The following XPNPEP2 variants were observed in gnomAD, a reference collection of about 807,000 sequenced individuals.
XPNPEP2 encodes the protein X-prolyl aminopeptidase 2.
Under a neutral mutation model 59.8 loss-of-function variants are expected in XPNPEP2, and 64 were observed. That is an observed-to-expected ratio of 1.07 (90% CI 0.87 to 1.32). XPNPEP2 has a LOEUF of 1.32. XPNPEP2 is among the 40% of genes most tolerant of loss of function. The probability of loss-of-function intolerance (pLI) is 0.00; values close to 1 mark genes in which losing one functional copy is unlikely to be tolerated. For synonymous variants in XPNPEP2, 235 were observed against 210.0 expected (o/e 1.12, Z -1.03); for missense variants, 575 against 546.8 (o/e 1.05, Z -0.51).
intron 19 of XPNPEP2, among the ~76,000 whole-genome samples, chrX:129,765,917 G>A (rs1004816969): frequency 8.9e-6 from 1 of 111,867 alleles, no homozygotes; most frequent in African/African-American, 3.2e-5. Context: ...GATTACAGGC[G>A]TGAGCCACCA....
chrX:129,750,887 A>G (rs1001629394), intron 8 of XPNPEP2, among the ~76,000 whole-genome samples: 8 of 111,779 alleles, frequency 7.2e-5, no homozygotes, highest in Non-Finnish European at 1.5e-4. Context: ...CCAACAACTT[A>G]GCCACTACCC....
intron 12 of XPNPEP2, 92 bp from the exon 13 acceptor site, chrX:129,755,202 G>C: frequency 1.1e-6 from 1 of 898,300 alleles, no homozygotes; most frequent in South Asian, 2.1e-5. Context: ...GGTAGAGGCA[G>C]CCATGACCTT....
chrX:129,768,972 T>A lies in XPNPEP2; in HGVS notation c.*487T>A, dbSNP rs1417250941. The A allele has an allele frequency of 8.9e-6, 1 of 112,805 alleles. No homozygotes were observed. Among genetic ancestry groups the A allele is most frequent in the Non-Finnish European group, 1.9e-5 (1 of 53,911 alleles). 9.3% of individuals were successfully genotyped at this position (112,805 alleles called of 1,213,427 possible). A position where few individuals can be genotyped will look rare whatever the true frequency, so the allele number is the denominator to read the frequency against. Reference sequence around the variant, plus strand: ...GGGCATGAAACATCAACCCCCCACATGTGAACCCATCATTCCTAAACCCTG... The same window carrying A: ...GGGCATGAAACATCAACCCCCCACAAGTGAACCCATCATTCCTAAACCCTG... On this transcript the variant is annotated 3_prime_UTR_variant, in exon 21 of 21. Coordinates refer to ENST00000371106, the MANE Select transcript of XPNPEP2 (RefSeq NM_003399.6).
At chrX:129,746,779 G>T in intron 6 of XPNPEP2, 98 bp downstream of exon 6, 1 of 767,665 alleles carries the variant, frequency 1.3e-6, no homozygotes, top group Non-Finnish European at 2.0e-6. Context: ...AAGGAGGGGC[G>T]GTGGGACTAT....
chrX:129,764,586 C>T (rs770734718), intron 19 of XPNPEP2, among the ~76,000 whole-genome samples: 297 of 105,444 alleles, frequency 2.8e-3, no homozygotes, highest in Middle Eastern at 9.8e-3. Context: ...ACCTGGGAGG[C>T]GGAGGTTGCG....
chrX:129,754,766 G>A (rs1352757994), intron 12 of XPNPEP2, among the ~76,000 whole-genome samples, 185 bp downstream of exon 12: 3 of 110,757 alleles, frequency 2.7e-5, no homozygotes, highest in Non-Finnish European at 5.7e-5. Flanking sequence ...TGAGCAGGGG[G>A]CGTTGGATGA....
chrX:129,747,958 G>A (rs892510377), intron 7 of XPNPEP2: 21 of 502,640 alleles, frequency 4.2e-5, no homozygotes, highest in Non-Finnish European at 6.1e-5. Flanking sequence ...AATGTCCTCC[G>A]GCCATATTTA....
chrX:129,765,635 C>CTTTTTTTTTTTTTTT (rs56014067), intron 19 of XPNPEP2, among the ~76,000 whole-genome samples: 4 of 67,340 alleles, frequency 5.9e-5, no homozygotes, highest in African/African-American at 2.4e-4. Flanking sequence ...TTCTTTCTTT[C>CTTTTTTTTTTTTTTT]TTTTTTTTTT....
At chrX:129,756,596 C>T (rs1926522764) in intron 14 of XPNPEP2, 41 bp downstream of exon 14, 1 of 1,165,034 alleles carries the variant, frequency 8.6e-7, no homozygotes, top group African/African-American at 1.8e-5. Flanking sequence ...TGTCTCTGCT[C>T]AGACCTCCTG....
At chrX:129,742,940 C>A (rs990230609) in intron 2 of XPNPEP2, among the ~76,000 whole-genome samples, 3 of 111,448 alleles carry the variant, frequency 2.7e-5, no homozygotes, top group Non-Finnish European at 5.7e-5. Flanking sequence ...AAAGAAGAGC[C>A]AACGGAAGGG....
rs765504783 is a variant in XPNPEP2 at position 129,762,734 on chromosome X, C to A, written c.1704C>A (p.Leu568=). The change falls in exon 19 of 21, where the codon CTC becomes CTA. Residue 568 remains leucine (L), a synonymous_variant. Coordinates refer to ENST00000371106, the MANE Select transcript of XPNPEP2 (RefSeq NM_003399.6). ...YYKDGEFGIR[L]EDVALVVEAK... ...AGGATGGAGAATTTGGGATCCGTCT[C>A]GAAGATGTGGCTCTCGTGGTAGAAG... 4 of 1,211,780 alleles carry A rather than the reference C, an allele frequency of 3.3e-6. No individual in the cohort carries two copies. The highest frequency in any genetic ancestry group is 4.5e-6 in the Non-Finnish European group (4 of 895,496).
chrX:129,741,887 A>C (rs181230037), intron 1 of XPNPEP2, among the ~76,000 whole-genome samples: 7 of 112,612 alleles, frequency 6.2e-5, no homozygotes, highest in African/African-American at 2.3e-4. Context: ...AGTGGCAATC[A>C]CTTGTCTATG....
intron 14 of XPNPEP2, 22 bp from the exon 15 acceptor site, chrX:129,759,158 T>C (rs182167541): frequency 1.9e-5 from 23 of 1,209,047 alleles, no homozygotes; most frequent in Non-Finnish European, 2.6e-5. Flanking sequence ...GCATTTGGCA[T>C]GTTGGTTTTC....
At chrX:129,745,923 C>T (rs902903366) in intron 4 of XPNPEP2, among the ~76,000 whole-genome samples, 4 of 111,133 alleles carry the variant, frequency 3.6e-5, no homozygotes, top group East Asian at 2.8e-4. Flanking sequence ...TATCAGCCAC[C>T]GAGTCTTTAC....
chrX:129,744,894 A>G (rs1386171423), intron 3 of XPNPEP2, among the ~76,000 whole-genome samples: 1 of 112,357 alleles, frequency 8.9e-6, no homozygotes, highest in African/African-American at 3.2e-5. Context: ...CCTAGACTGC[A>G]TAGAATTTGC....
chrX:129,762,009 C>G lies in XPNPEP2; in HGVS notation c.1607C>G (p.Pro536Arg). ...ATGTTTATGTCTTCCTTTCTAGGGC[C>G]AGTGGGATTCCAGTCCAACAACATC... Reference protein sequence around the residue: ...IGNFLCVHEWPVGFQSNNIAM... With the variant: ...IGNFLCVHEWRVGFQSNNIAM... The change falls in exon 18 of 21, where the codon CCA becomes CGA. Residue 536 changes from proline (P) to arginine (R), a missense_variant. Physicochemically the swap from Pro to Arg is moderately radical, Grantham distance 103. Transcript: ENST00000371106. 1 of 1,211,540 alleles carries G rather than the reference C, an allele frequency of 8.3e-7. No homozygotes were observed. Among genetic ancestry groups the G allele is most frequent in the Non-Finnish European group, 1.1e-6 (1 of 895,218 alleles).
chrX:129,767,158 G>C (rs1330229862), intron 19 of XPNPEP2, among the ~76,000 whole-genome samples: 4 of 111,305 alleles, frequency 3.6e-5, no homozygotes, highest in African/African-American at 6.5e-5. Context: ...AGGCTGCAGA[G>C]GGCCGTCATC....
At chrX:129,744,249 A>G (rs1926252474) in intron 3 of XPNPEP2, among the ~76,000 whole-genome samples, 178 bp downstream of exon 3, 1 of 112,331 alleles carries the variant, frequency 8.9e-6, no homozygotes, top group Non-Finnish European at 1.9e-5. Flanking sequence ...ATCCCTCTAC[A>G]TAGGCGGGCA....
chrX:129,759,224 C>T lies in XPNPEP2; in HGVS notation c.1412C>T (p.Pro471Leu), dbSNP rs375530554. ...ACCAGAACAGTCCACTGGGGCACCC[C>T]CTCTGCCTTCCAGAAGGTAAGCATG... ...DITRTVHWGT[P>L]SAFQKEAYTR... The change falls in exon 15 of 21, where the codon CCC becomes CTC. Residue 471 changes from proline (P) to leucine (L), a missense_variant. Pro to Leu is a moderately conservative substitution (Grantham distance 98). Transcript: ENST00000371106. 99 of 1,210,068 alleles carry T rather than the reference C, an allele frequency of 8.2e-5. No individual in the cohort carries two copies. Among genetic ancestry groups the T allele is most frequent in the Non-Finnish European group, 1.1e-4 (96 of 895,276 alleles).
Sources: gnomAD v4.1 joint callset for allele counts (sites outside exome capture counted in the v4.1 genomes callset) on GRCh38, gnomAD v4.1.1 for gene constraint, MANE v1.5 for transcripts, NCBI Gene and HGNC (gene_info 2026-07-23, HGNC 2026-07-21) for gene names.